Variants in DDX60 observed in about 807,000 individuals in gnomAD.
DDX60 encodes DExD/H-box helicase 60, also known as probable ATP-dependent RNA helicase DDX60.
In DDX60, 165 loss-of-function variants were observed where a neutral mutation model predicts 212.8. The observed-to-expected ratio is 0.78, with a 90% CI of 0.68 to 0.88. The LOEUF is 0.88. DDX60 is among the 40% of genes least tolerant of loss of function. The pLI, the probability that DDX60 is intolerant of heterozygous loss-of-function variation, is 0.00. For missense variants in DDX60, 1,905 were observed against 2,003.9 expected, an observed-to-expected ratio of 0.95 and a Z score of 0.94; for synonymous variants, 703 against 685.3, an observed-to-expected ratio of 1.03 and a Z score of -0.40.
intron 14 of DDX60, among the ~76,000 whole-genome samples, chr4:168,277,104 C>T (rs894405658): frequency 3.9e-5 from 6 of 152,226 alleles, no homozygotes; most frequent in African/African-American, 1.4e-4. Context: ...GATCATTTCA[C>T]TTGCCGTGAG....
intron 7 of DDX60, 143 bp from the exon 8 acceptor site, chr4:168,292,049 C>CTTTCCTTT (rs58664687): frequency 0.18 from 53,243 of 298,912 alleles, 4,687 homozygotes; most frequent in African/African-American, 0.31. Flanking sequence ...TTCTTTCTTT[C>CTTTCCTTT]TTTTTTTTTT....
At chr4:168,223,771 T>G (rs1733148443) in intron 35 of DDX60, among the ~76,000 whole-genome samples, 1 of 152,030 alleles carries the variant, frequency 6.6e-6, no homozygotes, top group African/African-American at 2.4e-5. Flanking sequence ...AATAAAACAC[T>G]TTTTCTCAAA....
In DDX60 at chr4:168,260,845, A is replaced by C. The variant is rs1373736956; in HGVS notation, c.3398+20T>G. On this transcript the variant is annotated intron_variant, in intron 25 of 37. Coordinates refer to ENST00000393743, the MANE Select transcript of DDX60 (RefSeq NM_017631.6). ...TCTAATACAATTACAAGCAAAACCA[A>C]ATTAAATTAAATAACTTACAAAAAA... 3 of 1,591,546 alleles carry C rather than the reference A, an allele frequency of 1.9e-6. No individual in the cohort carries two copies. Among genetic ancestry groups the C allele is most frequent in the Non-Finnish European group, 2.6e-6 (3 of 1,165,024 alleles).
chr4:168,297,188 C>T (rs905592813), intron 6 of DDX60, among the ~76,000 whole-genome samples: 3 of 151,524 alleles, frequency 2.0e-5, no homozygotes, highest in Admixed American at 1.3e-4. Flanking sequence ...GGATTACAGG[C>T]ATAAGCCACC....
intron 6 of DDX60, among the ~76,000 whole-genome samples, chr4:168,297,362 GAAAGAAAGAAAGAAAGAA>G (rs1736430099): frequency 1.7e-5 from 1 of 59,330 alleles, no homozygotes; most frequent in Non-Finnish European, 3.1e-5. Context: ...AAGAAAGAAA[GAAAGAAAGAAAGAAAGAA>G]AGAGAAAGAA....
chr4:168,250,886 A>C (rs1734196797), intron 28 of DDX60, 68 bp downstream of exon 28: 4 of 1,324,988 alleles, frequency 3.0e-6, no homozygotes, highest in Middle Eastern at 1.9e-4. Flanking sequence ...TGTATTCTTT[A>C]CTTTTCCTGA....
upstream of DDX60, among the ~76,000 whole-genome samples, chr4:168,319,923 G>C (rs1163654589): frequency 6.6e-6 from 1 of 152,106 alleles, no homozygotes; most frequent in African/African-American, 2.4e-5. Flanking sequence ...AAAAGAGGGG[G>C]ATATGGGGAA....
At chr4:168,251,503 C>G (rs1330431724) in intron 27 of DDX60, among the ~76,000 whole-genome samples, 1 of 152,174 alleles carries the variant, frequency 6.6e-6, no homozygotes, top group Admixed American at 6.5e-5. Context: ...TCCGGGAATG[C>G]CTACTTCCCA....
At position 168,262,692 on chromosome 4, in the gene DDX60, A is replaced by C; in HGVS notation, c.3135T>G (p.Pro1045=). 6.2e-7 allele frequency: 1 copy of C among 1,608,900 alleles called. No homozygotes were observed. The highest frequency in any genetic ancestry group is 8.5e-7 in the Non-Finnish European group (1 of 1,176,260). ...DAMFQIWKSW[P]RAQELCPENF... is the part of the protein sequence containing the mutation. ...CATCATTATTATTTACCTGGGCCCG[A>C]GGCCAACTTTTCCAAATTTGAAACA... is the stretch of plus-strand genomic sequence containing the variant. Residue 1045 remains proline, a synonymous_variant, in exon 23 of 38, where the codon CCT becomes CCG. Transcript: ENST00000393743.
intron 8 of DDX60, among the ~76,000 whole-genome samples, chr4:168,288,897 A>C (rs1232809575): frequency 6.6e-6 from 1 of 152,166 alleles, no homozygotes; most frequent in Non-Finnish European, 1.5e-5. Context: ...AATTTCTTTT[A>C]TTTTGAAAAT....
chr4:168,250,849 A>T, intron 28 of DDX60, 105 bp downstream of exon 28: 2 of 974,972 alleles, frequency 2.1e-6, no homozygotes, highest in Non-Finnish European at 3.0e-6. Flanking sequence ...AAAGACAATT[A>T]CATGAGAAAA....
intron 35 of DDX60, among the ~76,000 whole-genome samples, chr4:168,222,410 T>C (rs533945639): frequency 3.4e-4 from 52 of 152,260 alleles, no homozygotes; most frequent in African/African-American, 1.0e-3. Flanking sequence ...AGAGGATCAA[T>C]AGAACTCTAG....
rs760215581 is a variant in DDX60, at chr4:168,237,465, T to A, written c.4270-38A>T. On this transcript the variant is annotated intron_variant, in intron 31 of 37. Transcript: ENST00000393743. ...AAACAATTTATTAGTTTGACTCAAG[T>A]CACCACATAATAAGTAACTTATTAA... is the stretch of plus-strand genomic sequence containing the variant. 15 of 1,516,492 alleles carry A rather than the reference T, an allele frequency of 9.9e-6. No homozygotes were observed. In the Admixed American group the frequency reaches 1.8e-4, roughly 18 times the overall value. 93.9% of individuals were successfully genotyped at this position (1,516,492 alleles called of 1,614,324 possible). A position where few individuals can be genotyped will look rare whatever the true frequency, so the allele number is the denominator to read the frequency against.
chr4:168,243,278 T>A (rs777035451), intron 30 of DDX60, among the ~76,000 whole-genome samples: 2 of 152,080 alleles, frequency 1.3e-5, no homozygotes, highest in Non-Finnish European at 2.9e-5. Flanking sequence ...GGGATCTAAT[T>A]AAACTAAAGA....
At chr4:168,259,652 T>C (rs1397853779) in intron 25 of DDX60, among the ~76,000 whole-genome samples, 1 of 150,838 alleles carries the variant, frequency 6.6e-6, no homozygotes, top group Non-Finnish European at 1.5e-5. Flanking sequence ...AAATAGAGTA[T>C]TGTGTTCTAG....
chr4:168,277,814 A>AG (rs1735413437), intron 14 of DDX60, among the ~76,000 whole-genome samples: 1 of 147,808 alleles, frequency 6.8e-6, no homozygotes, highest in African/African-American at 2.6e-5. Flanking sequence ...ATCTCAAAAA[A>AG]AAAAAAAGAA....
At chr4:168,285,816 G>GA (rs1415507119) in intron 10 of DDX60, among the ~76,000 whole-genome samples, 2 of 151,106 alleles carry the variant, frequency 1.3e-5, no homozygotes, top group Non-Finnish European at 3.0e-5. Context: ...TGGGTGGATG[G>GA]ATGGATGGGT....
Position 168,267,676 on chromosome 4 carries a change from C to A in DDX60, c.2945G>T (p.Arg982Met). 4 of 1,593,746 alleles carry A rather than the reference C, an allele frequency of 2.5e-6. No homozygotes were observed. The highest frequency in any genetic ancestry group is 3.4e-6 in the Non-Finnish European group (4 of 1,170,872). The change falls in exon 22 of 38, where the codon AGG (arginine) becomes ATG (methionine). Residue 982 changes from arginine to methionine, a missense_variant. By Grantham distance (91) the Arg-to-Met change is moderately conservative (BLOSUM62 -1). Coordinates refer to ENST00000393743, the MANE Select transcript of DDX60 (RefSeq NM_017631.6). ...TACATGCTTCTCTAGATCATTATAC[C>A]TCTCTCCATAGAGCACTAAAAATGA... ...YKVRLVLYGE[R>M]YNDLEKHVCS...
intron 22 of DDX60, among the ~76,000 whole-genome samples, chr4:168,266,435 TTA>T (rs1734852092): frequency 6.6e-6 from 1 of 152,196 alleles, no homozygotes; most frequent in African/African-American, 2.4e-5. Context: ...TGTAAACAAC[TTA>T]AGCAGTAAGC....
Sources: gnomAD v4.1 joint callset for allele counts (sites outside exome capture counted in the v4.1 genomes callset) on GRCh38, gnomAD v4.1.1 for gene constraint, MANE v1.5 for transcripts, NCBI Gene and HGNC (gene_info 2026-07-23, HGNC 2026-07-21) for gene names.